Variants in ESRRG observed in about 807,000 individuals in gnomAD.
ESRRG encodes estrogen-related receptor gamma.
ESRRG carries 13 observed loss-of-function variants against 44.0 expected under a neutral mutation model. That is an observed-to-expected ratio of 0.30 (90% CI 0.19 to 0.47). The LOEUF is 0.47. Among genes scored for constraint, ESRRG ranks in the 20% least tolerant of loss-of-function variants. The pLI is 1.00. For missense variants in ESRRG, 395 were observed against 580.6 expected (o/e 0.68, Z 3.29); for synonymous variants, 215 against 214.6 (o/e 1.00, Z -0.02).
chr1:216,999,985 C>T (rs531959017), intron 1 of ESRRG, among the ~76,000 whole-genome samples: 9 of 152,286 alleles, frequency 5.9e-5, no homozygotes, highest in African/African-American at 1.9e-4. Context: ...ACACCAGTAT[C>T]AAGCTATTGT....
At chr1:216,870,730 T>A (rs1280188195) in intron 2 of ESRRG, among the ~76,000 whole-genome samples, 1 of 152,032 alleles carries the variant, frequency 6.6e-6, no homozygotes, top group Non-Finnish European at 1.5e-5. Context: ...TTCATGATTT[T>A]CAAAAAATAT....
chr1:216,828,443 C>T (rs1230723019), intron 2 of ESRRG, among the ~76,000 whole-genome samples: 1 of 152,074 alleles, frequency 6.6e-6, no homozygotes, highest in Non-Finnish European at 1.5e-5. Context: ...ACCACATCTG[C>T]CTGGTGGAGA....
At chr1:216,542,841 C>A (rs930721743) in intron 5 of ESRRG, among the ~76,000 whole-genome samples, 1 of 151,828 alleles carries the variant, frequency 6.6e-6, no homozygotes, top group Non-Finnish European at 1.5e-5. Context: ...ATGAATAATC[C>A]CATTTTGCTG....
intron 1 of ESRRG, among the ~76,000 whole-genome samples, chr1:217,027,757 A>T (rs1319734039): frequency 6.6e-6 from 1 of 152,184 alleles, no homozygotes; most frequent in East Asian, 1.9e-4. Flanking sequence ...CTAGTTTAGG[A>T]TGGGATTTTA....
chr1:216,804,677 C>T (rs1313464849), intron 2 of ESRRG, among the ~76,000 whole-genome samples: 1 of 151,800 alleles, frequency 6.6e-6, no homozygotes, highest in Admixed American at 6.6e-5. Context: ...AAACCTGCTG[C>T]ACAAATTTGT....
chr1:216,519,110 A>G (rs1275245423), intron 6 of ESRRG, 42 bp downstream of exon 6: 13 of 1,579,090 alleles, frequency 8.2e-6, no homozygotes, highest in African/African-American at 1.4e-5. Context: ...TAAAACTGAC[A>G]TATTAAAAAA....
At chr1:216,820,511 CT>C (rs1003435891) in intron 2 of ESRRG, among the ~76,000 whole-genome samples, 44 of 151,366 alleles carry the variant, frequency 2.9e-4, no homozygotes, top group South Asian at 8.4e-4. Context: ...ATGATATCAT[CT>C]TTTTTTTTCA....
At chr1:216,569,111 A>AGGAAGGAAGAAGGAAGGAAGAAG (rs1553355981) in intron 3 of ESRRG, among the ~76,000 whole-genome samples, 2 of 104,468 alleles carry the variant, frequency 1.9e-5, no homozygotes, top group Admixed American at 1.0e-4. Context: ...GAAGGAAGGA[A>AGGAAGGAAGAAGGAAGGAAGAAG]GAAGGAAGGA....
chr1:216,859,803 T>G (rs1218368878), intron 2 of ESRRG, among the ~76,000 whole-genome samples: 3 of 152,160 alleles, frequency 2.0e-5, no homozygotes, highest in African/African-American at 7.2e-5. Context: ...CTAAGGATAT[T>G]AACAGAAATA....
intron 2 of ESRRG, among the ~76,000 whole-genome samples, chr1:216,939,261 C>T (rs2064711447): frequency 7.2e-6 from 1 of 138,340 alleles, no homozygotes; most frequent in African/African-American, 2.7e-5. Context: ...GAAACAAGGG[C>T]AAAACCTTTC....
At chr1:216,835,936 T>C (rs2095557568) in intron 2 of ESRRG, among the ~76,000 whole-genome samples, 2 of 152,128 alleles carry the variant, frequency 1.3e-5, no homozygotes, top group African/African-American at 2.4e-5. Context: ...TCTGAAATCA[T>C]GTGGCCCTAG....
At chr1:216,831,833 A>T (rs1184509519) in intron 2 of ESRRG, among the ~76,000 whole-genome samples, 1 of 152,178 alleles carries the variant, frequency 6.6e-6, no homozygotes, top group Non-Finnish European at 1.5e-5. Flanking sequence ...AAAGCCCAAG[A>T]ATGAGGAGAA....
intron 2 of ESRRG, among the ~76,000 whole-genome samples, chr1:216,837,327 C>T (rs1406678000): frequency 1.3e-5 from 2 of 151,424 alleles, no homozygotes; most frequent in African/African-American, 4.9e-5. Context: ...AGGAGAATGG[C>T]GTGAACCTGG....
At chr1:216,654,141 A>T (rs1390850215) in intron 2 of ESRRG, among the ~76,000 whole-genome samples, 1 of 151,558 alleles carries the variant, frequency 6.6e-6, no homozygotes. Context: ...AAAAAAAAAA[A>T]ATCCACCAAA....
At position 217,130,066 on chromosome 1, in the gene ESRRG, A is replaced by C. The variant is rs114180502; in HGVS notation, c.-230+7601T>G. 6.2e-3 allele frequency among the ~76,000 whole-genome samples: 945 copies of C among 152,340 alleles called. 10 individuals are homozygous for C. Among genetic ancestry groups the C allele is most frequent in the African/African-American group, 0.022 (905 of 41,578 alleles). The stretch of plus-strand genomic sequence containing the variant: ...CTTCCTATACAAAATAATTTCACAC[A>C]ATATATCACCCAAATGATTTTAAGG... On this transcript the variant is annotated intron_variant, in intron 1 of 8. Transcript: ENST00000366940.
intron 1 of ESRRG, among the ~76,000 whole-genome samples, chr1:216,941,206 C>T (rs1376315719): frequency 1.3e-5 from 2 of 152,000 alleles, no homozygotes; most frequent in Non-Finnish European, 2.9e-5. Flanking sequence ...AGGAGAGGAC[C>T]CACTTAACTG....
In ESRRG at chr1:216,507,135, A is replaced by G. The variant is rs1327852196; in HGVS notation, c.1181T>C (p.Val394Ala). The change falls in exon 7 of 7, where the codon GTC (valine) becomes GCC (alanine). Residue 394 changes from valine to alanine, a missense_variant. Val to Ala is a moderately conservative substitution (Grantham distance 64). Around this residue, in one of 5 missense-constraint regions of ESRRG, gnomAD observed 167 missense variants for 251.8 expected, o/e 0.66. Transcript: ENST00000408911. ...DVEAVQKLQD[V>A]LHEALQDYEA... Reference sequence around the variant, plus strand: ...ATAATCCTGCAGCGCTTCATGTAAGACATCCTGAAGCTTCTGAACGGCTTC... The same window carrying G: ...ATAATCCTGCAGCGCTTCATGTAAGGCATCCTGAAGCTTCTGAACGGCTTC... 1.2e-6 allele frequency: 2 copies of G among 1,613,234 alleles called. No homozygotes were observed. Among genetic ancestry groups the G allele is most frequent in the African/African-American group, 2.7e-5 (2 of 74,902 alleles).
intron 1 of ESRRG, among the ~76,000 whole-genome samples, chr1:216,943,951 C>T (rs2065670796): frequency 6.6e-6 from 1 of 152,030 alleles, no homozygotes; most frequent in Non-Finnish European, 1.5e-5. Context: ...TTCAGCTCCC[C>T]CCTGCCAGGA....
chr1:216,707,248 TCA>T, intron 1 of ESRRG: 4 of 1,215,908 alleles, frequency 3.3e-6, no homozygotes, highest in Admixed American at 2.6e-5. Flanking sequence ...TTTTTTCTTT[TCA>T]TTAATCAGTC....
Sources: gnomAD v4.1 joint callset for allele counts (sites outside exome capture counted in the v4.1 genomes callset) on GRCh38, gnomAD v4.1.1 for gene constraint, gnomAD v4.1.1 regional missense constraint, MANE v1.5 for transcripts, NCBI Gene and HGNC (gene_info 2026-07-23, HGNC 2026-07-21) for gene names.